Variants in GRID2 observed in about 807,000 individuals in gnomAD.
GRID2 encodes glutamate ionotropic receptor delta type subunit 2.
In GRID2, 33 loss-of-function variants were observed where a neutral mutation model predicts 114.8. The observed-to-expected ratio is 0.29, with a 90% CI of 0.22 to 0.38. The LOEUF is 0.38. Ranked by LOEUF, GRID2 falls within the 10% of genes least tolerant of loss-of-function variation. GRID2 has a pLI of 1.00. For synonymous variants in GRID2, 505 were observed against 449.9 expected, an observed-to-expected ratio of 1.12 and a Z score of -1.55; for missense variants, 1,184 against 1,257.7, an observed-to-expected ratio of 0.94 and a Z score of 0.89.
At chr4:92,721,501 T>C (rs1314911633) in intron 2 of GRID2, among the ~76,000 whole-genome samples, 2 of 151,998 alleles carry the variant, frequency 1.3e-5, no homozygotes, top group African/African-American at 4.8e-5. Context: ...AAATAAGAAA[T>C]AACTGAATGA....
chr4:93,257,837 A>G (rs2149542693), intron 8 of GRID2, among the ~76,000 whole-genome samples: 1 of 151,502 alleles, frequency 6.6e-6, no homozygotes, highest in East Asian at 1.9e-4. Flanking sequence ...CTACTTCAGC[A>G]ACGCATAGGA....
intron 2 of GRID2, among the ~76,000 whole-genome samples, chr4:93,076,592 T>C (rs976348741): frequency 6.6e-6 from 1 of 150,838 alleles, no homozygotes; most frequent in Non-Finnish European, 1.5e-5. Context: ...GCAGACCTTC[T>C]TCAAAATTCA....
chr4:92,823,338 CTCT>C (rs1196000432), intron 2 of GRID2, among the ~76,000 whole-genome samples: 1 of 152,116 alleles, frequency 6.6e-6, no homozygotes, highest in Non-Finnish European at 1.5e-5. Context: ...CAGAGCTTAT[CTCT>C]TATTTGCTGC....
At chr4:92,688,057 T>G (rs1471616062) in intron 2 of GRID2, among the ~76,000 whole-genome samples, 2 of 130,572 alleles carry the variant, frequency 1.5e-5, no homozygotes, top group Non-Finnish European at 3.3e-5. Flanking sequence ...TTTTTTTTTT[T>G]TTTTTTTTTG....
At position 92,952,860 on chromosome 4, in the gene GRID2, G is replaced by A. The variant is rs550459573; in HGVS notation, c.245-132135G>A. ...TGGAGTGGCTTAAAACAACAAAAAT[G>A]TACTGTCTCACAGCTCTTAGAGCGA... On this transcript the variant is annotated intron_variant, in intron 2 of 15. Coordinates refer to ENST00000282020, the MANE Select transcript of GRID2 (RefSeq NM_001510.4). 1.2e-4 allele frequency among the ~76,000 whole-genome samples: 18 copies of A among 152,266 alleles called. 1 individual carries two copies. The East Asian group carries it at 2.9e-3, about 25-fold the overall frequency.
chr4:92,352,837 A>C (rs1231483319), intron 1 of GRID2, among the ~76,000 whole-genome samples: 1 of 151,890 alleles, frequency 6.6e-6, no homozygotes, highest in Non-Finnish European at 1.5e-5. Context: ...TAACAGATTG[A>C]TTATTAAGTG....
At chr4:92,429,156 A>G (rs572813637) in intron 1 of GRID2, among the ~76,000 whole-genome samples, 1 of 152,242 alleles carries the variant, frequency 6.6e-6, no homozygotes, top group East Asian at 1.9e-4. Context: ...ATGAAGGTGT[A>G]TACATTGATG....
chr4:92,900,100 G>A (rs1747461538), intron 2 of GRID2, among the ~76,000 whole-genome samples: 1 of 152,050 alleles, frequency 6.6e-6, no homozygotes, highest in Admixed American at 6.6e-5. Flanking sequence ...AAGATGGGTA[G>A]GAATACAATA....
intron 8 of GRID2, among the ~76,000 whole-genome samples, chr4:93,376,707 A>T (rs994462327): frequency 2.6e-5 from 4 of 152,306 alleles, no homozygotes; most frequent in African/African-American, 9.6e-5. Flanking sequence ...TCCTCAGCAA[A>T]CTAACACAGA....
chr4:92,642,210 G>A (rs1305526549), intron 2 of GRID2, among the ~76,000 whole-genome samples: 1 of 151,658 alleles, frequency 6.6e-6, no homozygotes, highest in Non-Finnish European at 1.5e-5. Flanking sequence ...AGTTCTTTGA[G>A]AAATCTCCAA....
At chr4:92,941,510 A>C (rs1032695220) in intron 2 of GRID2, among the ~76,000 whole-genome samples, 1 of 152,094 alleles carries the variant, frequency 6.6e-6, no homozygotes, top group East Asian at 1.9e-4. Context: ...TGATCTTTTC[A>C]AAAAACCAGC....
chr4:93,525,606 A>G lies in GRID2; in HGVS notation c.2193+10195A>G, dbSNP rs554114225. 3.9e-5 allele frequency among the ~76,000 whole-genome samples: 6 copies of G among 152,326 alleles called. No individual in the cohort carries two copies. In the East Asian group the frequency reaches 9.6e-4, roughly 24 times the overall value. On this transcript the variant is annotated intron_variant, in intron 13 of 15. Coordinates refer to ENST00000282020, the MANE Select transcript of GRID2 (RefSeq NM_001510.4). ...TTTCTTCCATATTTTAAAATTGTGG[A>G]AACAGAATTTATTAATTCTAAGATT...
At chr4:92,316,924 A>G (rs1726014602) in intron 1 of GRID2, among the ~76,000 whole-genome samples, 1 of 152,172 alleles carries the variant, frequency 6.6e-6, no homozygotes, top group Non-Finnish European at 1.5e-5. Flanking sequence ...CCAATTTCAG[A>G]TCTAAGGAAG....
chr4:92,894,388 T>C (rs115295252), intron 2 of GRID2, among the ~76,000 whole-genome samples: 5 of 152,278 alleles, frequency 3.3e-5, no homozygotes, highest in African/African-American at 7.2e-5. Context: ...TAGTGTTATC[T>C]TGAATGGCCA....
At chr4:93,673,986 T>A (rs539707243) in intron 14 of GRID2, among the ~76,000 whole-genome samples, 5 of 152,286 alleles carry the variant, frequency 3.3e-5, no homozygotes, top group Non-Finnish European at 5.9e-5. Context: ...GCTTTTTTTT[T>A]CAGACTCATG....
intron 3 of GRID2, among the ~76,000 whole-genome samples, chr4:93,087,750 A>G (rs1730454438): frequency 6.6e-6 from 1 of 152,172 alleles, no homozygotes; most frequent in African/African-American, 2.4e-5. Flanking sequence ...CATTATCTCC[A>G]GTAATGCCCT....
chr4:93,371,774 G>A (rs190539109), intron 8 of GRID2, among the ~76,000 whole-genome samples: 49 of 121,698 alleles, frequency 4.0e-4, no homozygotes, highest in African/African-American at 1.5e-3. Flanking sequence ...TGGAGATGGA[G>A]TCTTGCTGTG....
chr4:93,406,013 T>G (rs541593834), intron 9 of GRID2, among the ~76,000 whole-genome samples: 2 of 152,296 alleles, frequency 1.3e-5, no homozygotes, highest in South Asian at 2.1e-4. Context: ...TACTGAACCT[T>G]TAAGATTATT....
At chr4:93,430,249 C>T (rs1458062260) in intron 10 of GRID2, among the ~76,000 whole-genome samples, 4 of 152,148 alleles carry the variant, frequency 2.6e-5, no homozygotes, top group African/African-American at 7.2e-5. Flanking sequence ...GGCGCAATCT[C>T]GGCTTGCTGC....
Sources: gnomAD v4.1 joint callset for allele counts (sites outside exome capture counted in the v4.1 genomes callset) on GRCh38, gnomAD v4.1.1 for gene constraint, MANE v1.5 for transcripts, NCBI Gene and HGNC (gene_info 2026-07-23, HGNC 2026-07-21) for gene names.